Variants in SLC36A1 observed in about 807,000 individuals in gnomAD.
The protein encoded by SLC36A1 is proton-coupled amino acid transporter 1.
In SLC36A1, 30 loss-of-function variants were observed where a neutral mutation model predicts 47.5. The ratio of observed to expected loss-of-function variants is 0.63; its 90% CI spans 0.47 to 0.86. SLC36A1 has a LOEUF of 0.86. Ranked by LOEUF, SLC36A1 falls within the 40% of genes least tolerant of loss-of-function variation. The pLI, the probability that SLC36A1 is intolerant of heterozygous loss-of-function variation, is 0.00. For missense variants in SLC36A1, 517 were observed against 606.0 expected (o/e 0.85, Z 1.54); for synonymous variants, 255 against 249.7 (o/e 1.02, Z -0.20).
the SLC36A1 span, among the ~76,000 whole-genome samples, chr5:151,401,856 T>A: frequency 1.3e-5 from 2 of 152,308 alleles, no homozygotes; most frequent in Non-Finnish European, 2.9e-5. Flanking sequence ...TTTTTGTACA[T>A]TGATTTTGTA....
chr5:151,542,518 G>C, the SLC36A1 span: 1 of 1,614,196 alleles, frequency 6.2e-7, no homozygotes, highest in South Asian at 1.1e-5. Flanking sequence ...AAAATGATAA[G>C]TCTGGCAGGT....
At chr5:151,534,358 A>G in the SLC36A1 span, 1 of 1,461,778 alleles carries the variant, frequency 6.8e-7, no homozygotes, top group Non-Finnish European at 9.3e-7. Context: ...ACCCTTGCCC[A>G]AGGTGACCCA....
At chr5:151,445,483 G>C (rs1229416678), upstream of SLC36A1, among the ~76,000 whole-genome samples, 1 of 152,192 alleles carries the variant, frequency 6.6e-6, no homozygotes, top group Non-Finnish European at 1.5e-5. Flanking sequence ...TCAAGGTGAT[G>C]CTGGCCTCAT....
the SLC36A1 span, among the ~76,000 whole-genome samples, chr5:151,375,399 A>G: frequency 2.6e-5 from 4 of 151,966 alleles, no homozygotes; most frequent in Non-Finnish European, 4.4e-5. Flanking sequence ...TGGGTTCTTT[A>G]TTCTGTTCCA....
chr5:151,429,126 C>T, the SLC36A1 span, among the ~76,000 whole-genome samples: 92 of 152,294 alleles, frequency 6.0e-4, no homozygotes, highest in Non-Finnish European at 1.1e-3. Context: ...GGCCTCATTT[C>T]ACTCTCTCAA....
the SLC36A1 span, among the ~76,000 whole-genome samples, chr5:151,353,457 G>A: frequency 0.016 from 2,469 of 152,222 alleles, 68 homozygotes; most frequent in African/African-American, 0.056. Context: ...TGAGCCAAAG[G>A]AGCAGAGAGT....
intron 1 of SLC36A1, among the ~76,000 whole-genome samples, chr5:151,456,776 T>C (rs906176397): frequency 3.3e-5 from 5 of 152,148 alleles, no homozygotes; most frequent in African/African-American, 9.7e-5. Flanking sequence ...TACATTGCAA[T>C]TGTTGAGAGA....
At chr5:151,404,374 A>C in the SLC36A1 span, among the ~76,000 whole-genome samples, 1 of 152,216 alleles carries the variant, frequency 6.6e-6, no homozygotes, top group African/African-American at 2.4e-5. Flanking sequence ...CCAACTTCCC[A>C]CTTTGTGCCT....
At chr5:151,346,292 G>A in the SLC36A1 span, among the ~76,000 whole-genome samples, 2 of 152,186 alleles carry the variant, frequency 1.3e-5, no homozygotes, top group African/African-American at 2.4e-5. Flanking sequence ...GCCCTGGGGC[G>A]ACAGCACAGG....
the SLC36A1 span, among the ~76,000 whole-genome samples, chr5:151,356,339 CAAAAAA>C: frequency 1.5e-3 from 76 of 51,326 alleles, 4 homozygotes; most frequent in African/African-American, 3.8e-3. Flanking sequence ...CTCTGTCTCA[CAAAAAA>C]AAAAAAAAAA....
chr5:151,380,983 C>G, the SLC36A1 span: 1 of 390,042 alleles, frequency 2.6e-6, no homozygotes, highest in African/African-American at 2.1e-5. Context: ...CCCTCCAACC[C>G]TATAACAGAG....
the SLC36A1 span, chr5:151,542,354 C>T: frequency 6.2e-7 from 1 of 1,614,072 alleles, no homozygotes. Context: ...AGAGTCGCCA[C>T]CAGTTCGCCA....
At chr5:151,497,293 AATC>A (rs1352283073), downstream of SLC36A1, among the ~76,000 whole-genome samples, 18 of 152,218 alleles carry the variant, frequency 1.2e-4, no homozygotes, top group Non-Finnish European at 2.4e-4. Context: ...GATATTTAAA[AATC>A]ATGAATGAGT....
chr5:151,401,236 A>G, the SLC36A1 span, among the ~76,000 whole-genome samples: 1 of 152,130 alleles, frequency 6.6e-6, no homozygotes, highest in Non-Finnish European at 1.5e-5. Flanking sequence ...TCTTCTGCAT[A>G]TGTTCTAGCC....
chr5:151,469,338 T>C, intron 7 of SLC36A1: 1 of 674,260 alleles, frequency 1.5e-6, no homozygotes, highest in South Asian at 1.6e-5. Flanking sequence ...TTTTTTAAAG[T>C]TACATGTTCA....
At chr5:151,351,712 A>G in the SLC36A1 span, among the ~76,000 whole-genome samples, 1 of 152,210 alleles carries the variant, frequency 6.6e-6, no homozygotes, top group East Asian at 1.9e-4. Flanking sequence ...ATTTTATGTT[A>G]TACAGTATTC....
At position 151,457,761 on chromosome 5, in the gene SLC36A1, A is replaced by G. The variant is rs189302892; in HGVS notation, c.-5-1027A>G. Among the ~76,000 whole-genome samples, 573 of 152,108 alleles carry G rather than the reference A, an allele frequency of 3.8e-3. 2 individuals carry two copies. Among genetic ancestry groups the G allele is most frequent in the Middle Eastern group, 6.8e-3 (2 of 294 alleles). ...TGTGGTCACAGCAGAGAGAAAGAGAACGGCATGTGTGGCTCTGGGATTTGG... is the reference window on the plus strand; with the variant it reads ...TGTGGTCACAGCAGAGAGAAAGAGAGCGGCATGTGTGGCTCTGGGATTTGG... On this transcript the variant is annotated intron_variant, in intron 1 of 10. Coordinates refer to ENST00000243389, the MANE Select transcript of SLC36A1 (RefSeq NM_078483.4).
chr5:151,516,452 G>T, the SLC36A1 span, among the ~76,000 whole-genome samples: 1 of 152,126 alleles, frequency 6.6e-6, no homozygotes, highest in African/African-American at 2.4e-5. Flanking sequence ...GGAGGCAGAG[G>T]TTGCAGTGAG....
chr5:151,373,187 A>G, the SLC36A1 span, among the ~76,000 whole-genome samples: 1 of 152,160 alleles, frequency 6.6e-6, no homozygotes, highest in African/African-American at 2.4e-5. Flanking sequence ...AGTCCCAGCT[A>G]CTTTGGAGGC....
Sources: gnomAD v4.1 joint callset for allele counts (sites outside exome capture counted in the v4.1 genomes callset) on GRCh38, gnomAD v4.1.1 for gene constraint, MANE v1.5 for transcripts, NCBI Gene and HGNC (gene_info 2026-07-23, HGNC 2026-07-21) for gene names.